RASAL2: variants seen among roughly 807,000 people sequenced by gnomAD.
RASAL2 encodes the protein RAS protein activator like 2, also known as ras GTPase-activating protein nGAP.
RASAL2 carries 58 observed loss-of-function variants against 128.9 expected under a neutral mutation model. The observed-to-expected ratio is 0.45, with a 90% CI of 0.36 to 0.56. The LOEUF is 0.56. RASAL2 is among the 20% of genes least tolerant of loss of function. The pLI is 0.00. For synonymous variants in RASAL2, 561 were observed against 580.8 expected (o/e 0.97, Z 0.49); for missense variants, 1,360 against 1,601.6 (o/e 0.85, Z 2.57).
At chr1:178,278,195 C>T (rs1666616269) in intron 1 of RASAL2, among the ~76,000 whole-genome samples, 1 of 152,176 alleles carries the variant, frequency 6.6e-6, no homozygotes, top group Non-Finnish European at 1.5e-5. Context: ...CTGGTACCTC[C>T]ACCCCGTCCT....
chr1:178,356,187 A>C (rs1017447745), intron 3 of RASAL2, among the ~76,000 whole-genome samples: 10 of 151,458 alleles, frequency 6.6e-5, no homozygotes, highest in Non-Finnish European at 1.0e-4. Flanking sequence ...AAAAAAAAAA[A>C]AACCCACAAG....
chr1:178,216,038 T>C (rs1224973263), intron 1 of RASAL2, among the ~76,000 whole-genome samples: 2 of 152,204 alleles, frequency 1.3e-5, no homozygotes, highest in African/African-American at 4.8e-5. Context: ...TAAAATGCTC[T>C]TGAGACTTTT....
intron 2 of RASAL2, among the ~76,000 whole-genome samples, chr1:178,287,013 A>G (rs1244406630): frequency 6.6e-6 from 1 of 152,066 alleles, no homozygotes; most frequent in Admixed American, 6.5e-5. Context: ...CCTAGGACCC[A>G]TTGATCCTGT....
chr1:178,176,503 T>A (rs1661897592), intron 1 of RASAL2, among the ~76,000 whole-genome samples: 1 of 152,178 alleles, frequency 6.6e-6, no homozygotes, highest in Non-Finnish European at 1.5e-5. Flanking sequence ...ATTCTCATAG[T>A]TCTCTTTCAC....
chr1:178,348,490 G>T (rs1401193230), intron 3 of RASAL2, among the ~76,000 whole-genome samples: 1 of 152,008 alleles, frequency 6.6e-6, no homozygotes, highest in African/African-American at 2.4e-5. Context: ...GTAAAGATGG[G>T]GTCTTGCTAT....
rs1648588970 is a variant in RASAL2 at position 178,475,250 on chromosome 1, A to G, written c.*2011A>G. 1 of 152,160 alleles carries G rather than the reference A, an allele frequency of 6.6e-6. No individual in the cohort carries two copies. The highest frequency in any genetic ancestry group is 1.5e-5 in the Non-Finnish European group (1 of 68,022). 9.4% of individuals were successfully genotyped at this position (152,160 alleles called of 1,614,324 possible). The stretch of plus-strand genomic sequence containing the variant: ...TGTTTATCTGATCTGCACACTTTAT[A>G]TCCAGCTGTTTTGGCACTTTTACGT... On this transcript the variant is annotated 3_prime_UTR_variant, in exon 18 of 18. Transcript: ENST00000367649.
At chr1:178,408,609 TTTGTTTTTTG>T (rs895282000) in intron 4 of RASAL2, among the ~76,000 whole-genome samples, 1 of 149,162 alleles carries the variant, frequency 6.7e-6, no homozygotes, top group Non-Finnish European at 1.5e-5. Flanking sequence ...TTGGTTTTTT[TTTGTTTTTTG>T]TTTTTTGTTT....
intron 4 of RASAL2, among the ~76,000 whole-genome samples, chr1:178,400,719 C>G (rs1474484052): frequency 2.0e-5 from 3 of 151,904 alleles, no homozygotes; most frequent in Admixed American, 6.6e-5. Context: ...AAGGCACACT[C>G]AACAATATTT....
intron 1 of RASAL2, among the ~76,000 whole-genome samples, chr1:178,103,219 A>T (rs989494201): frequency 3.3e-5 from 5 of 151,756 alleles, no homozygotes; most frequent in Non-Finnish European, 7.4e-5. Flanking sequence ...TATCTCAGAT[A>T]TATTTTCCTT....
chr1:178,248,029 G>T (rs1664856461), intron 1 of RASAL2, among the ~76,000 whole-genome samples: 1 of 152,184 alleles, frequency 6.6e-6, no homozygotes, highest in Admixed American at 6.5e-5. Flanking sequence ...GTAGTGCTGA[G>T]AAGAATGTAT....
chr1:178,309,180 T>C (rs1668126212), intron 3 of RASAL2, among the ~76,000 whole-genome samples: 1 of 152,112 alleles, frequency 6.6e-6, no homozygotes, highest in Non-Finnish European at 1.5e-5. Context: ...AAAAATAATA[T>C]CCTGGTATTT....
chr1:178,156,238 C>A (rs1051985328), intron 1 of RASAL2, among the ~76,000 whole-genome samples: 12 of 152,154 alleles, frequency 7.9e-5, no homozygotes, highest in Admixed American at 7.2e-4. Context: ...AGAAATCAAG[C>A]TATTGATTTA....
intron 3 of RASAL2, among the ~76,000 whole-genome samples, chr1:178,388,383 C>T (rs540963761): frequency 3.9e-5 from 6 of 152,252 alleles, no homozygotes; most frequent in African/African-American, 1.2e-4. Context: ...CATTTTTCAG[C>T]GATGTGCATT....
chr1:178,207,885 T>C (rs1356764774), intron 1 of RASAL2, among the ~76,000 whole-genome samples: 1 of 152,182 alleles, frequency 6.6e-6, no homozygotes, highest in Non-Finnish European at 1.5e-5. Context: ...GTAGCACACA[T>C]TTTAGTCAAA....
chr1:178,167,852 C>T (rs1385739132), intron 1 of RASAL2, among the ~76,000 whole-genome samples: 3 of 151,794 alleles, frequency 2.0e-5, no homozygotes, highest in African/African-American at 4.8e-5. Flanking sequence ...TGGACCCGTG[C>T]GATTAAAACC....
At chr1:178,414,304 G>A (rs758462089) in intron 4 of RASAL2, among the ~76,000 whole-genome samples, 2 of 152,170 alleles carry the variant, frequency 1.3e-5, no homozygotes, top group Non-Finnish European at 2.9e-5. Context: ...TTGGAGTGTG[G>A]GAGGTACTGA....
intron 5 of RASAL2, among the ~76,000 whole-genome samples, chr1:178,424,232 GT>G: frequency 6.7e-6 from 1 of 150,180 alleles, no homozygotes. Context: ...TTTTTTTTTG[GT>G]TTTTTTTGTT....
intron 9 of RASAL2, among the ~76,000 whole-genome samples, chr1:178,448,240 C>G (rs545361347): frequency 6.6e-6 from 1 of 152,134 alleles, no homozygotes; most frequent in African/African-American, 2.4e-5. Flanking sequence ...GTCCTAGATA[C>G]CAATAGAGAA....
intron 1 of RASAL2, among the ~76,000 whole-genome samples, chr1:178,207,556 G>A (rs73051470): frequency 0.051 from 7,804 of 152,152 alleles, 299 homozygotes; most frequent in African/African-American, 0.11. Context: ...TCCTGGAACC[G>A]ATTCCCCATG....
Sources: gnomAD v4.1 joint callset for allele counts (sites outside exome capture counted in the v4.1 genomes callset) on GRCh38, gnomAD v4.1.1 for gene constraint, MANE v1.5 for transcripts, NCBI Gene and HGNC (gene_info 2026-07-23, HGNC 2026-07-21) for gene names.